Variants in COP1 observed in about 807,000 individuals in gnomAD.
The protein encoded by COP1 is E3 ubiquitin-protein ligase COP1.
Under a neutral mutation model 101.3 loss-of-function variants are expected in COP1, and 24 were observed. The observed-to-expected ratio is 0.24, with a 90% CI of 0.17 to 0.33. COP1 has a LOEUF of 0.33. COP1 is among the 10% of genes least tolerant of loss of function. The pLI, the probability that COP1 is intolerant of heterozygous loss-of-function variation, is 1.00. For missense variants in COP1, 663 were observed against 906.2 expected (o/e 0.73, Z 3.45); for synonymous variants, 347 against 341.9 (o/e 1.01, Z -0.17).
At chr1:175,947,004 A>G (rs1025182037) in intron 19 of COP1, among the ~76,000 whole-genome samples, 191 bp downstream of exon 19, 7 of 152,214 alleles carry the variant, frequency 4.6e-5, no homozygotes, top group African/African-American at 7.2e-5. Context: ...TACAACCTCA[A>G]TAAGCACTAT....
At chr1:176,204,083 T>A (rs927028643) in intron 1 of COP1, among the ~76,000 whole-genome samples, 1 of 152,208 alleles carries the variant, frequency 6.6e-6, no homozygotes, top group African/African-American at 2.4e-5. Flanking sequence ...GCTAAATACA[T>A]GTACTCGAAC....
At chr1:175,948,266 A>C (rs550950414) in intron 18 of COP1, among the ~76,000 whole-genome samples, 4 of 152,326 alleles carry the variant, frequency 2.6e-5, no homozygotes, top group African/African-American at 9.6e-5. Context: ...TGCCTCCTGT[A>C]GGAAACTGGG....
At chr1:176,005,263 C>G (rs1662836178) in intron 15 of COP1, among the ~76,000 whole-genome samples, 1 of 152,060 alleles carries the variant, frequency 6.6e-6, no homozygotes, top group Admixed American at 6.6e-5. Context: ...ATTAGTCTTG[C>G]TAGTGGTCTA....
chr1:176,140,146 T>C (rs1423248128), intron 6 of COP1, among the ~76,000 whole-genome samples: 1 of 152,266 alleles, frequency 6.6e-6, no homozygotes, highest in African/African-American at 2.4e-5. Context: ...CTGAAAATAA[T>C]GTTCCATCTC....
intron 18 of COP1, among the ~76,000 whole-genome samples, chr1:175,951,737 C>G (rs1645856718): frequency 1.3e-5 from 2 of 151,732 alleles, no homozygotes; most frequent in South Asian, 4.2e-4. Context: ...TTTGGTAACA[C>G]CTCCAAAATT....
chr1:176,157,080 C>T (rs1572579614), intron 5 of COP1, among the ~76,000 whole-genome samples: 1 of 152,074 alleles, frequency 6.6e-6, no homozygotes. Flanking sequence ...TGCCAGTAAT[C>T]CCAGCTACTT....
intron 15 of COP1, among the ~76,000 whole-genome samples, chr1:176,001,189 TATA>T (rs1001496357): frequency 7.2e-5 from 11 of 152,086 alleles, no homozygotes; most frequent in African/African-American, 2.7e-4. Flanking sequence ...GAAAATAAAA[TATA>T]AAACTCTTCT....
At chr1:176,053,301 T>C (rs1204653677) in intron 11 of COP1, among the ~76,000 whole-genome samples, 2 of 152,172 alleles carry the variant, frequency 1.3e-5, no homozygotes, top group African/African-American at 4.8e-5. Flanking sequence ...GTGCTTACTA[T>C]ACATAGCTTC....
chr1:175,973,946 T>C (rs1443807355), intron 18 of COP1, among the ~76,000 whole-genome samples: 1 of 152,156 alleles, frequency 6.6e-6, no homozygotes, highest in Non-Finnish European at 1.5e-5. Flanking sequence ...CTACAGGCAG[T>C]TCATGTTGCT....
intron 11 of COP1, among the ~76,000 whole-genome samples, chr1:176,070,020 A>G (rs1404666483): frequency 6.6e-6 from 1 of 152,152 alleles, no homozygotes; most frequent in Admixed American, 6.5e-5. Flanking sequence ...TTCCAAATTC[A>G]CAGCCCTCAC....
intron 9 of COP1, among the ~76,000 whole-genome samples, chr1:176,107,862 C>G (rs1349185629): frequency 6.6e-6 from 1 of 152,104 alleles, no homozygotes; most frequent in Non-Finnish European, 1.5e-5. Flanking sequence ...TAATCTGAAT[C>G]TTAAGCATAA....
intron 9 of COP1, among the ~76,000 whole-genome samples, chr1:176,097,953 A>G (rs535090753): frequency 1.3e-5 from 2 of 152,328 alleles, no homozygotes; most frequent in South Asian, 4.1e-4. Flanking sequence ...AGGAAAATAA[A>G]AGCTGTAGTG....
At chr1:176,069,861 C>T (rs1029825117) in intron 11 of COP1, among the ~76,000 whole-genome samples, 3 of 152,202 alleles carry the variant, frequency 2.0e-5, no homozygotes, top group Non-Finnish European at 4.4e-5. Context: ...CTCCTTTCCC[C>T]TTTGGATTGC....
At chr1:176,153,158 C>T (rs931719641) in intron 5 of COP1, among the ~76,000 whole-genome samples, 6 of 152,094 alleles carry the variant, frequency 3.9e-5, no homozygotes, top group African/African-American at 1.4e-4. Context: ...CCTCTTTCAT[C>T]AAATTTTCTA....
At chr1:175,965,053 T>C (rs1362406240) in intron 18 of COP1, among the ~76,000 whole-genome samples, 2 of 152,014 alleles carry the variant, frequency 1.3e-5, no homozygotes, top group South Asian at 4.1e-4. Flanking sequence ...CTCTTTTTCA[T>C]ACCAAGATTA....
At chr1:176,196,893 A>T (rs1699755478) in intron 1 of COP1, among the ~76,000 whole-genome samples, 1 of 150,492 alleles carries the variant, frequency 6.6e-6, no homozygotes, top group South Asian at 2.1e-4. Flanking sequence ...AAAAAAAAAA[A>T]GAGAAAAAGA....
At chr1:176,195,853 A>C (rs2102204946) in intron 1 of COP1, among the ~76,000 whole-genome samples, 1 of 152,342 alleles carries the variant, frequency 6.6e-6, no homozygotes, top group South Asian at 2.1e-4. Context: ...ACAGACACAA[A>C]GATGGGAACA....
chr1:175,951,305 T>C (rs1474404414), intron 18 of COP1, among the ~76,000 whole-genome samples: 1 of 149,718 alleles, frequency 6.7e-6, no homozygotes, highest in African/African-American at 2.4e-5. Flanking sequence ...TCCTGACAAG[T>C]TGAGAAATGA....
At chr1:176,025,548 C>A (rs1231505530) in intron 15 of COP1, among the ~76,000 whole-genome samples, 1 of 149,436 alleles carries the variant, frequency 6.7e-6, no homozygotes, top group Non-Finnish European at 1.5e-5. Context: ...AAAAAATTGA[C>A]CAGAAAAGTC....
Sources: allele counts gnomAD v4.1 joint callset (sites outside exome capture counted in the v4.1 genomes callset), GRCh38; gene constraint gnomAD v4.1.1; transcripts MANE v1.5; gene names NCBI Gene and HGNC (gene_info 2026-07-23, HGNC 2026-07-21).